Variants in PPP1R9A observed in about 807,000 individuals in gnomAD.
The protein encoded by PPP1R9A is neurabin-1.
In PPP1R9A, 59 loss-of-function variants were observed where a neutral mutation model predicts 141.9. The observed-to-expected ratio is 0.42, with a 90% CI of 0.34 to 0.52. PPP1R9A has a LOEUF of 0.52. PPP1R9A is among the 20% of genes least tolerant of loss of function. The probability of loss-of-function intolerance (pLI) is 0.10; values close to 1 mark genes in which losing one functional copy is unlikely to be tolerated. For synonymous variants in PPP1R9A, 500 were observed against 569.7 expected (o/e 0.88, Z 1.74); for missense variants, 1,444 against 1,611.9 (o/e 0.90, Z 1.78).
rs575660922 is a variant in PPP1R9A at position 94,925,558 on chromosome 7, T to A, written c.1395+14050T>A. On this transcript the variant is annotated intron_variant, in intron 2 of 19. Transcript: ENST00000433360. ...TGAAGGGATTCCCTCTGTTGGGCAG[T>A]GTGTTGTAGGAGAGGATTATATGTT... is the stretch of plus-strand genomic sequence containing the variant. Among the ~76,000 whole-genome samples, 5 of 152,198 alleles carry A rather than the reference T, an allele frequency of 3.3e-5. No individual in the cohort carries two copies. The South Asian group carries it at 1.0e-3, about 32-fold the overall frequency.
intron 2 of PPP1R9A, among the ~76,000 whole-genome samples, chr7:95,038,479 A>G (rs1808761511): frequency 6.6e-6 from 1 of 152,152 alleles, no homozygotes; most frequent in Non-Finnish European, 1.5e-5. Flanking sequence ...TGATTCCCTC[A>G]TGGCCCTGGT....
intron 6 of PPP1R9A, among the ~76,000 whole-genome samples, chr7:95,203,445 T>A (rs563443466): frequency 7.6e-4 from 116 of 152,310 alleles, no homozygotes; most frequent in African/African-American, 2.7e-3. Flanking sequence ...GGCCTTTTAA[T>A]AATGTGAATA....
At chr7:95,273,796 A>G (rs1802637013) in intron 14 of PPP1R9A, 103 bp from the exon 15 acceptor site, 2 of 1,076,518 alleles carry the variant, frequency 1.9e-6, no homozygotes, top group Admixed American at 2.6e-5. Context: ...TTTTACAATT[A>G]GGAATTTAGG....
intron 12 of PPP1R9A, among the ~76,000 whole-genome samples, chr7:95,258,162 A>T (rs1307458040): frequency 6.6e-6 from 1 of 151,932 alleles, no homozygotes; most frequent in Admixed American, 6.6e-5. Context: ...ATTTCTCCAC[A>T]TCCTCTCCAG....
At chr7:95,161,822 AT>A (rs1196039087) in intron 4 of PPP1R9A, 44 bp from the exon 5 acceptor site, 5 of 1,254,814 alleles carry the variant, frequency 4.0e-6, no homozygotes, top group African/African-American at 1.5e-5. Flanking sequence ...ACATAAATTA[AT>A]TTTTTATGTA....
chr7:95,288,481 T>C (rs1180108719), intron 18 of PPP1R9A, 55 bp from the exon 19 acceptor site: 1 of 1,574,128 alleles, frequency 6.4e-7, no homozygotes, highest in Admixed American at 1.8e-5. Context: ...GATAGCATAA[T>C]ATGAGCCATA....
At chr7:95,045,110 CA>C (rs1809812012) in intron 2 of PPP1R9A, among the ~76,000 whole-genome samples, 1 of 152,034 alleles carries the variant, frequency 6.6e-6, no homozygotes, top group African/African-American at 2.4e-5. Context: ...TTAGTGGTGG[CA>C]AATATCCGAG....
intron 2 of PPP1R9A, chr7:95,109,020 G>C (rs1042201287): frequency 3.6e-4 from 55 of 152,270 alleles, no homozygotes; most frequent in African/African-American, 1.3e-3. Flanking sequence ...CGGGACGCAT[G>C]AGACCCAGGC....
chr7:95,032,154 C>T (rs1807777570), intron 2 of PPP1R9A, among the ~76,000 whole-genome samples: 1 of 152,114 alleles, frequency 6.6e-6, no homozygotes, highest in African/African-American at 2.4e-5. Flanking sequence ...TTTCACTTGT[C>T]ATGCTGGTGG....
At chr7:95,164,940 T>C (rs978496367) in intron 5 of PPP1R9A, among the ~76,000 whole-genome samples, 1 of 152,074 alleles carries the variant, frequency 6.6e-6, no homozygotes, top group African/African-American at 2.4e-5. Context: ...ATCCTTTATT[T>C]GTGCCATTCC....
intron 2 of PPP1R9A, among the ~76,000 whole-genome samples, chr7:94,974,973 A>G (rs1457906248): frequency 1.3e-5 from 2 of 152,166 alleles, no homozygotes; most frequent in African/African-American, 4.8e-5. Flanking sequence ...AGTTTATAGT[A>G]TCTGATATGT....
chr7:95,032,451 A>G (rs1807826179), intron 2 of PPP1R9A, among the ~76,000 whole-genome samples: 1 of 152,176 alleles, frequency 6.6e-6, no homozygotes. Flanking sequence ...GGGTAGGAAT[A>G]GTAAAACTAA....
At chr7:94,938,381 G>C (rs951103657) in intron 2 of PPP1R9A, among the ~76,000 whole-genome samples, 6 of 152,054 alleles carry the variant, frequency 3.9e-5, no homozygotes, top group Admixed American at 3.9e-4. Context: ...TAACTGATAA[G>C]TACTTCAGAG....
At chr7:95,182,593 G>A (rs1303050289) in intron 5 of PPP1R9A, among the ~76,000 whole-genome samples, 1 of 152,112 alleles carries the variant, frequency 6.6e-6, no homozygotes, top group East Asian at 1.9e-4. Context: ...AGAGCTTTTA[G>A]TTTTGTGATT....
chr7:95,053,255 C>G (rs1045930619), intron 2 of PPP1R9A, among the ~76,000 whole-genome samples: 8 of 152,110 alleles, frequency 5.3e-5, no homozygotes, highest in African/African-American at 1.9e-4. Flanking sequence ...AAAATCAAAT[C>G]TGAAGGAATG....
intron 5 of PPP1R9A, among the ~76,000 whole-genome samples, chr7:95,180,732 CAAAAG>C (rs1563368477): frequency 1.3e-5 from 2 of 151,872 alleles, no homozygotes; most frequent in African/African-American, 4.8e-5. Context: ...GTTCTCAAAA[CAAAAG>C]AAGATATACA....
intron 4 of PPP1R9A, among the ~76,000 whole-genome samples, chr7:95,138,792 A>T (rs1584903706): frequency 6.6e-6 from 1 of 152,238 alleles, no homozygotes; most frequent in East Asian, 1.9e-4. Flanking sequence ...ATTAAACTTT[A>T]ATGAGATATT....
chr7:95,273,991 G>A lies in PPP1R9A; in HGVS notation c.3212+5G>A, dbSNP rs764076527. The stretch of plus-strand genomic sequence containing the variant: ...GCGGAAGTTTGTGGATCTGGGGTAA[G>A]CACTTCACGATGTAAAAAGAAAGCC... On this transcript the variant is annotated splice_donor_5th_base_variant and intron_variant, in intron 15 of 19. Transcript: ENST00000433360. 1.3e-5 allele frequency: 20 copies of A among 1,503,050 alleles called. No homozygotes were observed. The highest frequency in any genetic ancestry group is 4.1e-5 in the African/African-American group (3 of 72,704). 93.1% of individuals were successfully genotyped at this position (1,503,050 alleles called of 1,614,324 possible).
chr7:95,280,116 A>T (rs976894946), intron 16 of PPP1R9A, among the ~76,000 whole-genome samples: 4 of 152,164 alleles, frequency 2.6e-5, no homozygotes, highest in Admixed American at 2.6e-4. Flanking sequence ...CACAGCTGTT[A>T]TCCATTAGGG....
Sources: allele counts gnomAD v4.1 joint callset (sites outside exome capture counted in the v4.1 genomes callset), GRCh38; gene constraint gnomAD v4.1.1; transcripts MANE v1.5; gene names NCBI Gene and HGNC (gene_info 2026-07-23, HGNC 2026-07-21).